The following USP3 variants were observed in gnomAD, a reference collection of about 807,000 sequenced individuals.
The protein encoded by USP3 is ubiquitin carboxyl-terminal hydrolase 3.
In USP3, 20 loss-of-function variants were observed where a neutral mutation model predicts 72.3. That is an observed-to-expected ratio of 0.28 (90% CI 0.19 to 0.40). The LOEUF (loss-of-function observed/expected upper bound fraction) is 0.40, where lower values mean the gene tolerates loss of function less well. Ranked by LOEUF, USP3 falls within the 10% of genes least tolerant of loss-of-function variation. The probability of loss-of-function intolerance (pLI) is 1.00; values close to 1 mark genes in which losing one functional copy is unlikely to be tolerated. For synonymous variants in USP3, 222 were observed against 225.3 expected (o/e 0.99, Z 0.13); for missense variants, 479 against 633.9 (o/e 0.76, Z 2.62).
chr15:63,528,876 A>G lies in USP3; in HGVS notation c.92-3771A>G, dbSNP rs1169095297. ...ATTTAAAGCCAGTGTTTTTCAGTCT[A>G]TTTTATATTTGTCCTGGGTACATTA... On this transcript the variant is annotated intron_variant, in intron 1 of 14. Transcript: ENST00000380324. This position sits in a 1 kb window ranked among gnomAD's most constrained non-coding sequence, Gnocchi z 4.3. 8.7e-6 allele frequency: 4 copies of G among 461,748 alleles called. No individual in the cohort carries two copies. The highest frequency in any genetic ancestry group is 2.1e-5 in the African/African-American group (1 of 48,152). The allele number at this position is 461,748 out of a possible 1,614,324, so 28.6% of individuals were successfully genotyped here.
Position 63,593,292 on chromosome 15 carries a change from T to A in USP3, c.*2466T>A, listed in dbSNP as rs983298615. 6.6e-6 allele frequency: 1 copy of A among 152,216 alleles called. No individual in the cohort carries two copies. The highest frequency in any genetic ancestry group is 2.4e-5 in the African/African-American group (1 of 41,450). The allele number at this position is 152,216 out of a possible 1,614,324, so 9.4% of individuals were successfully genotyped here. On this transcript the variant is annotated 3_prime_UTR_variant, in exon 15 of 15. Transcript: ENST00000380324. ...TGATGTATCACACATTAACATCACA[T>A]CTAATTCAACCTGAAATGTGAGTCT...
Position 63,574,413 on chromosome 15 carries a change from C to G in USP3, c.1096+10C>G, listed in dbSNP as rs755073026. On this transcript the variant is annotated intron_variant, in intron 11 of 14. Coordinates refer to ENST00000380324, the MANE Select transcript of USP3 (RefSeq NM_006537.4). The surrounding 1 kb of genome is among the most constrained non-coding windows in gnomAD (Gnocchi z 4.6). ...GTTTGTTCGTTACGAGGTAAAGATACTTGAATGTTCTAAAAATTTTTTTCT... is the reference window on the plus strand; with the variant it reads ...GTTTGTTCGTTACGAGGTAAAGATAGTTGAATGTTCTAAAAATTTTTTTCT... The G allele has an allele frequency of 6.3e-7, 1 of 1,585,904 alleles. No individual in the cohort carries two copies. The highest frequency in any genetic ancestry group is 8.5e-7 in the Non-Finnish European group (1 of 1,170,242).
intron 3 of USP3, among the ~76,000 whole-genome samples, chr15:63,541,587 A>G (rs1319437155): frequency 1.3e-5 from 2 of 152,128 alleles, no homozygotes; most frequent in Non-Finnish European, 2.9e-5. Flanking sequence ...AACAAAGGAT[A>G]TGGGTTTGCT....
chr15:63,507,846 A>T (rs191832823), intron 1 of USP3, among the ~76,000 whole-genome samples: 1 of 152,332 alleles, frequency 6.6e-6, no homozygotes, highest in African/African-American at 2.4e-5. Context: ...AGAAATTAAA[A>T]CTGAGAAAAA....
chr15:63,515,796 G>A (rs183332837), intron 1 of USP3, among the ~76,000 whole-genome samples: 1 of 152,260 alleles, frequency 6.6e-6, no homozygotes, highest in East Asian at 1.9e-4. Context: ...GAAATATACA[G>A]AGACAGGTAA....
chr15:63,535,316 ATTG>A (rs1209470224), intron 2 of USP3, among the ~76,000 whole-genome samples: 2 of 152,208 alleles, frequency 1.3e-5, no homozygotes, highest in African/African-American at 2.4e-5. Flanking sequence ...CTTCTAAGCA[ATTG>A]TTGTTTGGAT....
intron 11 of USP3, among the ~76,000 whole-genome samples, chr15:63,587,304 G>T (rs567008486): frequency 6.6e-6 from 1 of 152,096 alleles, no homozygotes; most frequent in Non-Finnish European, 1.5e-5. Context: ...AAATCCAAGT[G>T]TGGGGTCCAT....
intron 1 of USP3, among the ~76,000 whole-genome samples, chr15:63,525,551 C>T (rs139230206): frequency 4.5e-4 from 69 of 152,306 alleles, no homozygotes; most frequent in African/African-American, 1.6e-3. Context: ...TTCTGGATTA[C>T]ATTATGGCTC....
At chr15:63,555,766 AAG>A (rs2066497727) in intron 4 of USP3, among the ~76,000 whole-genome samples, 4 of 152,224 alleles carry the variant, frequency 2.6e-5, no homozygotes, top group Non-Finnish European at 5.9e-5. Flanking sequence ...CCAGTACTGT[AAG>A]AGAGAGACAC....
intron 7 of USP3, among the ~76,000 whole-genome samples, chr15:63,562,108 T>TC (rs2152673915): frequency 6.6e-6 from 1 of 152,278 alleles, no homozygotes; most frequent in East Asian, 1.9e-4. Flanking sequence ...GTGCTGGGGC[T>TC]CCCCAACTCC....
intron 11 of USP3, among the ~76,000 whole-genome samples, chr15:63,578,045 C>T (rs1410629259): frequency 3.3e-5 from 5 of 151,854 alleles, no homozygotes; most frequent in Admixed American, 6.6e-5. Context: ...GAGGCCAAGA[C>T]GGGCAGATCA....
chr15:63,559,933 C>G lies in USP3; in HGVS notation c.610C>G (p.Arg204Gly). 1 of 1,613,948 alleles carries G rather than the reference C, an allele frequency of 6.2e-7. No individual in the cohort carries two copies. Among genetic ancestry groups the G allele is most frequent in the Non-Finnish European group, 8.5e-7 (1 of 1,179,922 alleles). ...AAGGAATGGGAAAACAGCAGGAAGG[C>G]GGACATACCACACCAGGAGCCAAGG... is the stretch of plus-strand genomic sequence containing the variant. Reference protein sequence around the residue: ...ELRNGKTAGRRTYHTRSQGDN... With the variant: ...ELRNGKTAGRGTYHTRSQGDN... The change falls in exon 7 of 15, where the codon CGG (arginine) becomes GGG (glycine). Residue 204 changes from arginine (R) to glycine (G), a missense_variant. Arg to Gly is a moderately radical substitution (Grantham distance 125). Coordinates refer to ENST00000380324, the MANE Select transcript of USP3 (RefSeq NM_006537.4).
At chr15:63,527,307 A>G (rs923126789) in intron 1 of USP3, among the ~76,000 whole-genome samples, 2 of 152,240 alleles carry the variant, frequency 1.3e-5, no homozygotes, top group Non-Finnish European at 2.9e-5. Context: ...TTCTGTAGCT[A>G]GTAATGGTAG....
chr15:63,544,409 A>G lies in USP3; in HGVS notation c.284+7253A>G. The G allele has an allele frequency of 2.7e-6, 1 of 364,534 alleles. No individual in the cohort carries two copies. Among genetic ancestry groups the G allele is most frequent in the Non-Finnish European group, 5.0e-6 (1 of 200,454 alleles). 22.6% of individuals were successfully genotyped at this position (364,534 alleles called of 1,614,324 possible). On this transcript the variant is annotated intron_variant, in intron 3 of 14. Transcript: ENST00000380324. The surrounding 1 kb of genome is among the most constrained non-coding windows in gnomAD (Gnocchi z 4.2). ...TAGAAAGAAAGTAACTTTATTAACC[A>G]AAACTAGTGAAAGGGGAAGTAGCTG...
At chr15:63,532,456 A>G (rs949908421) in intron 1 of USP3, 191 bp from the exon 2 acceptor site, 3 of 640,830 alleles carry the variant, frequency 4.7e-6, no homozygotes, top group Non-Finnish European at 8.3e-6. Flanking sequence ...TGTTGTGGAC[A>G]TGCATTTAAA....
chr15:63,563,390 T>A (rs2066638537), intron 8 of USP3, among the ~76,000 whole-genome samples: 1 of 152,308 alleles, frequency 6.6e-6, no homozygotes, highest in African/African-American at 2.4e-5. Flanking sequence ...TCAGTAGAAG[T>A]GCATGGTATT....
chr15:63,532,855 C>T (rs2066097256), intron 2 of USP3, 148 bp downstream of exon 2: 1 of 792,444 alleles, frequency 1.3e-6, no homozygotes, highest in Non-Finnish European at 2.0e-6. Context: ...CCAGTTGAAT[C>T]CCTTTGTTCT....
intron 3 of USP3, chr15:63,551,428 TTTAA>T (rs1485800068): frequency 6.6e-6 from 1 of 151,840 alleles, no homozygotes; most frequent in Non-Finnish European, 1.5e-5. Context: ...AGTATTTTAA[TTTAA>T]TTGCCAATTA....
chr15:63,508,498 C>T (rs1026913441), intron 1 of USP3, among the ~76,000 whole-genome samples: 1 of 152,104 alleles, frequency 6.6e-6, no homozygotes, highest in Non-Finnish European at 1.5e-5. Flanking sequence ...ATAGCTATCT[C>T]CTAATAACGT....
Sources: gnomAD v4.1 joint callset for allele counts (sites outside exome capture counted in the v4.1 genomes callset) on GRCh38, gnomAD v4.1.1 for gene constraint, Gnocchi (gnomAD v3.1) non-coding constraint, MANE v1.5 for transcripts, NCBI Gene and HGNC (gene_info 2026-07-23, HGNC 2026-07-21) for gene names.